WDR41: variants seen among roughly 807,000 people sequenced by gnomAD.
WDR41 encodes the protein WD repeat-containing protein 41.
In WDR41, 63 loss-of-function variants were observed where a neutral mutation model predicts 69.3. The ratio of observed to expected loss-of-function variants is 0.91; its 90% CI spans 0.74 to 1.12. WDR41 has a LOEUF of 1.12. WDR41 is among the 50% of genes most tolerant of loss of function. The pLI is 0.00. For missense variants in WDR41, 543 were observed against 534.5 expected (o/e 1.02, Z -0.16); for synonymous variants, 185 against 192.1 (o/e 0.96, Z 0.31).
At chr5:77,494,022 T>C (rs758767220), upstream of WDR41, among the ~76,000 whole-genome samples, 12 of 151,816 alleles carry the variant, frequency 7.9e-5, no homozygotes, top group Admixed American at 2.6e-4. Flanking sequence ...ATTTGTGGCA[T>C]CAATAGAAAG....
intron 1 of WDR41, among the ~76,000 whole-genome samples, chr5:77,601,262 C>G (rs2112324412): frequency 6.6e-6 from 1 of 152,006 alleles, no homozygotes; most frequent in South Asian, 2.1e-4. Context: ...AAACTTGACC[C>G]TTTATTAAAT....
At chr5:77,530,421 C>T (rs767884640) in intron 1 of WDR41, among the ~76,000 whole-genome samples, 5 of 151,592 alleles carry the variant, frequency 3.3e-5, no homozygotes, top group Non-Finnish European at 7.4e-5. Context: ...AATGAATTAC[C>T]ACTTATCACT....
At chr5:77,600,029 C>T (rs1744294980) in intron 1 of WDR41, among the ~76,000 whole-genome samples, 1 of 152,288 alleles carries the variant, frequency 6.6e-6, no homozygotes, top group Admixed American at 6.5e-5. Context: ...CATTCTCCTT[C>T]CTCATGCCTC....
chr5:77,444,587 C>T (rs1211652579), intron 8 of WDR41, among the ~76,000 whole-genome samples: 2 of 152,226 alleles, frequency 1.3e-5, no homozygotes, highest in Non-Finnish European at 2.9e-5. Flanking sequence ...GGGGCCACCC[C>T]TCTGAAAACA....
intron 1 of WDR41, chr5:77,582,738 C>A (rs1226510011): frequency 1.3e-6 from 2 of 1,593,424 alleles, no homozygotes; most frequent in Non-Finnish European, 1.7e-6. Flanking sequence ...TCAATGGAAC[C>A]TTTGTGAAGC....
At chr5:77,570,601 T>TA (rs35897210) in intron 1 of WDR41, among the ~76,000 whole-genome samples, 2 of 150,688 alleles carry the variant, frequency 1.3e-5, no homozygotes, top group African/African-American at 2.4e-5. Flanking sequence ...AAGCCATTTT[T>TA]AAAAAAATGT....
intron 2 of WDR41, among the ~76,000 whole-genome samples, chr5:77,478,591 C>A (rs185567169): frequency 1.3e-5 from 2 of 152,006 alleles, no homozygotes; most frequent in African/African-American, 2.4e-5. Flanking sequence ...ATTATCTCAA[C>A]AGATGCAGAA....
intron 1 of WDR41, among the ~76,000 whole-genome samples, chr5:77,530,007 C>A (rs10805911): frequency 0.68 from 103,401 of 151,194 alleles, 35,704 homozygotes; most frequent in African/African-American, 0.76. Flanking sequence ...AAAGGCTTCT[C>A]TCAAGATACA....
chr5:77,520,542 T>C (rs1802356223), intron 1 of WDR41, among the ~76,000 whole-genome samples: 1 of 152,144 alleles, frequency 6.6e-6, no homozygotes, highest in East Asian at 1.9e-4. Context: ...CCTTATACAC[T>C]GGTATATGCA....
intron 1 of WDR41, among the ~76,000 whole-genome samples, chr5:77,506,292 C>A (rs1802106365): frequency 6.6e-6 from 1 of 152,184 alleles, no homozygotes; most frequent in Non-Finnish European, 1.5e-5. Context: ...AAAAAATGCT[C>A]ATCATCACTG....
intron 2 of WDR41, among the ~76,000 whole-genome samples, chr5:77,470,220 G>A (rs996111151): frequency 3.9e-5 from 6 of 152,032 alleles, no homozygotes; most frequent in Non-Finnish European, 8.8e-5. Context: ...TTACAGACAA[G>A]CAAATGCTGA....
intron 1 of WDR41, among the ~76,000 whole-genome samples, chr5:77,592,810 G>C (rs1284593984): frequency 6.6e-6 from 1 of 152,176 alleles, no homozygotes; most frequent in African/African-American, 2.4e-5. Context: ...TTTTATTGGA[G>C]AGTCAGTCAC....
chr5:77,464,274 CT>C (rs71606297), intron 3 of WDR41, among the ~76,000 whole-genome samples: 83 of 94,216 alleles, frequency 8.8e-4, no homozygotes, highest in East Asian at 3.1e-3. Context: ...TAGGAAAAAA[CT>C]TTTTTTTTTT....
At chr5:77,583,576 G>A (rs1002698925) in intron 1 of WDR41, among the ~76,000 whole-genome samples, 1 of 151,070 alleles carries the variant, frequency 6.6e-6, no homozygotes, top group African/African-American at 2.4e-5. Flanking sequence ...TATTATATAG[G>A]TACCCCATAA....
intron 2 of WDR41, among the ~76,000 whole-genome samples, chr5:77,479,518 G>A (rs1013034905): frequency 9.4e-4 from 143 of 152,044 alleles, no homozygotes; most frequent in South Asian, 8.9e-3. Context: ...AAATAACGCC[G>A]CATATCTACA....
intron 1 of WDR41, among the ~76,000 whole-genome samples, chr5:77,618,988 G>T (rs1744728712): frequency 1.3e-5 from 2 of 152,166 alleles, no homozygotes; most frequent in Admixed American, 6.5e-5. Flanking sequence ...GCAACACTAA[G>T]ATTAGATGAC....
intron 1 of WDR41, among the ~76,000 whole-genome samples, chr5:77,606,187 G>A (rs1256689668): frequency 6.6e-6 from 1 of 152,084 alleles, no homozygotes; most frequent in Non-Finnish European, 1.5e-5. Flanking sequence ...TAGTCTATGA[G>A]TTCCTCGAAG....
chr5:77,501,562 AGACT>A (rs1432314404), intron 1 of WDR41, among the ~76,000 whole-genome samples: 1 of 152,224 alleles, frequency 6.6e-6, no homozygotes, highest in Admixed American at 6.5e-5. Flanking sequence ...GAGAACAGAC[AGACT>A]GTCTCCTCAA....
chr5:77,472,839 T>C (rs1438521106), intron 2 of WDR41, among the ~76,000 whole-genome samples: 1 of 151,908 alleles, frequency 6.6e-6, no homozygotes, highest in Non-Finnish European at 1.5e-5. Flanking sequence ...AAAATGGCCA[T>C]ACTGCCCAAG....
Sources: allele counts gnomAD v4.1 joint callset (sites outside exome capture counted in the v4.1 genomes callset), GRCh38; gene constraint gnomAD v4.1.1; transcripts MANE v1.5; gene names NCBI Gene and HGNC (gene_info 2026-07-23, HGNC 2026-07-21).